Variants in LARP4 observed in about 807,000 individuals in gnomAD.
LARP4 encodes the protein La ribonucleoprotein 4.
LARP4 carries 29 observed loss-of-function variants against 92.9 expected under a neutral mutation model. The observed-to-expected ratio is 0.31, with a 90% CI of 0.23 to 0.43. LARP4 has a LOEUF of 0.43. Among genes scored for constraint, LARP4 ranks in the 20% least tolerant of loss-of-function variants. The pLI is 1.00. For missense variants in LARP4, 732 were observed against 860.0 expected (o/e 0.85, Z 1.86); for synonymous variants, 279 against 284.1 (o/e 0.98, Z 0.18).
chr12:50,447,638 C>T (rs1007118921), intron 8 of LARP4, among the ~76,000 whole-genome samples: 8 of 151,856 alleles, frequency 5.3e-5, no homozygotes, highest in Non-Finnish European at 7.4e-5. Context: ...GTACAGTGTG[C>T]GTGATCATAG....
chr12:50,473,289 C>T (rs1035169580), intron 13 of LARP4, 126 bp from the exon 14 acceptor site: 47 of 623,658 alleles, frequency 7.5e-5, no homozygotes, highest in South Asian at 3.6e-4. Flanking sequence ...GATTTTTCAC[C>T]GTGGTTTAGC....
intron 6 of LARP4, among the ~76,000 whole-genome samples, chr12:50,439,505 C>T (rs2137562605): frequency 1.3e-5 from 2 of 152,216 alleles, no homozygotes; most frequent in East Asian, 3.9e-4. Context: ...TTGGCTCAAG[C>T]AGTCCTCCTA....
At chr12:50,422,011 C>T (rs953904581) in intron 1 of LARP4, among the ~76,000 whole-genome samples, 3 of 151,324 alleles carry the variant, frequency 2.0e-5, no homozygotes, top group Non-Finnish European at 2.9e-5. Flanking sequence ...GCTTTGTCAC[C>T]CAGGTTGGAG....
At chr12:50,405,037 T>A (rs529085626) in intron 1 of LARP4, among the ~76,000 whole-genome samples, 30 of 150,868 alleles carry the variant, frequency 2.0e-4, no homozygotes, top group African/African-American at 7.0e-4. Context: ...ACTTCAGGCA[T>A]GTGCCACCAT....
At chr12:50,401,145 G>A in intron 1 of LARP4, 117 bp downstream of exon 1, 1 of 1,152,376 alleles carries the variant, frequency 8.7e-7, no homozygotes, top group South Asian at 1.2e-5. Flanking sequence ...CCGGCAGATA[G>A]GCTGACACAG....
Position 50,476,075 on chromosome 12 carries a change from A to AATAT in LARP4, c.*225_*228dup, listed in dbSNP as rs149999313. 23 of 288,014 alleles carry AATAT rather than the reference A, an allele frequency of 8.0e-5. No individual in the cohort carries two copies. Among genetic ancestry groups the AATAT allele is most frequent in the East Asian group, 2.5e-4 (4 of 15,826 alleles). 17.8% of individuals were successfully genotyped at this position (288,014 alleles called of 1,614,324 possible). A position where few individuals can be genotyped will look rare whatever the true frequency, so the allele number is the denominator to read the frequency against. ...ATGCTGGAGGATTCCAATCAATATA[A>AATAT]ATATATATATATATATACACACACA... On this transcript the variant is annotated 3_prime_UTR_variant, in exon 16 of 16. Transcript: ENST00000398473.
chr12:50,453,539 T>G lies in LARP4; in HGVS notation c.884T>G (p.Ile295Ser). Residue 295 changes from isoleucine to serine, a missense_variant, in exon 9 of 16, where the codon ATT becomes AGT. Transcript: ENST00000398473. ...GATTCTAGTATCTATAGTCACCCCA[T>G]TCAAACTCAAGCACAGTATGCCTCC... ...LMDSSIYSHP[I>S]QTQAQYASPV... 6.2e-7 allele frequency: 1 copy of G among 1,613,182 alleles called. No individual in the cohort carries two copies. Among genetic ancestry groups the G allele is most frequent in the Non-Finnish European group, 8.5e-7 (1 of 1,179,196 alleles).
At chr12:50,453,755 A>T in intron 9 of LARP4, 83 bp downstream of exon 9, 1 of 846,324 alleles carries the variant, frequency 1.2e-6, no homozygotes, top group Non-Finnish European at 1.8e-6. Flanking sequence ...GTGGGAGCTC[A>T]TTTATGTTGA....
chr12:50,452,654 A>G (rs989529693), intron 8 of LARP4, among the ~76,000 whole-genome samples: 8 of 152,014 alleles, frequency 5.3e-5, no homozygotes, highest in Admixed American at 2.6e-4. Context: ...TTGTGATTTC[A>G]ACTTACATTT....
intron 10 of LARP4, among the ~76,000 whole-genome samples, chr12:50,456,183 G>A (rs1477208608): frequency 4.6e-5 from 7 of 151,884 alleles, no homozygotes; most frequent in Admixed American, 6.6e-5. Context: ...CCTTTTATCC[G>A]TTGCATCTTT....
At chr12:50,408,254 A>G (rs951756343) in intron 1 of LARP4, among the ~76,000 whole-genome samples, 10 of 136,648 alleles carry the variant, frequency 7.3e-5, no homozygotes, top group African/African-American at 2.5e-4. Flanking sequence ...CTGGAGTGCA[A>G]TGGTGTGATC....
chr12:50,467,573 G>T (rs1956313444), intron 13 of LARP4, among the ~76,000 whole-genome samples: 1 of 152,030 alleles, frequency 6.6e-6, no homozygotes. Context: ...AAAGTGCTGG[G>T]ATTATAGGCA....
rs1039426230 is a variant in LARP4 at position 50,477,825 on chromosome 12, A to T, written c.*1961A>T. On this transcript the variant is annotated 3_prime_UTR_variant, in exon 16 of 16. Coordinates refer to ENST00000398473, the MANE Select transcript of LARP4 (RefSeq NM_052879.5). ...AATTTGGGGGAAGTTTAGGTCCTTT[A>T]AAAAAACATATTAATCATTGACTAC... The T allele has an allele frequency of 6.6e-6, 1 of 152,516 alleles. No homozygotes were observed. Among genetic ancestry groups the T allele is most frequent in the Non-Finnish European group, 1.5e-5 (1 of 67,940 alleles). The allele number at this position is 152,516 out of a possible 1,614,324, so 9.4% of individuals were successfully genotyped here. A position where few individuals can be genotyped will look rare whatever the true frequency, so the allele number is the denominator to read the frequency against.
chr12:50,405,351 T>TC (rs1249256966), intron 1 of LARP4, among the ~76,000 whole-genome samples: 1 of 152,242 alleles, frequency 6.6e-6, no homozygotes, highest in Non-Finnish European at 1.5e-5. Context: ...TGCAGTGTAC[T>TC]ACCTTCATCT....
chr12:50,473,108 C>A (rs1192044886), intron 13 of LARP4, among the ~76,000 whole-genome samples: 1 of 152,212 alleles, frequency 6.6e-6, no homozygotes, highest in East Asian at 1.9e-4. Flanking sequence ...GTGTGAGCCA[C>A]TGCGCCCAGC....
At chr12:50,426,684 G>GTTGT in intron 1 of LARP4, among the ~76,000 whole-genome samples, 1 of 86,170 alleles carries the variant, frequency 1.2e-5, no homozygotes, top group South Asian at 5.7e-4. Context: ...TTATGTTTGG[G>GTTGT]GTGTGTGTGT....
rs77393419 is a variant in LARP4 at position 50,456,247 on chromosome 12, C to G, written c.1121+1830C>G. 8.0e-3 allele frequency among the ~76,000 whole-genome samples: 1,213 copies of G among 152,194 alleles called. 15 individuals carry two copies. The highest frequency in any genetic ancestry group is 0.028 in the African/African-American group (1,160 of 41,508). On this transcript the variant is annotated intron_variant, in intron 10 of 15. Transcript: ENST00000398473. ...TTATCTTTACTTATAAGGAAGTATA[C>G]CTATGGTTTTGAAAATACATGGTGT...
chr12:50,455,331 T>C (rs943295758), intron 10 of LARP4, among the ~76,000 whole-genome samples: 1 of 152,122 alleles, frequency 6.6e-6, no homozygotes, highest in Non-Finnish European at 1.5e-5. Flanking sequence ...GCCTCCCAAA[T>C]TGCTAGGATT....
chr12:50,424,461 C>T (rs1279265074), intron 1 of LARP4, among the ~76,000 whole-genome samples: 1 of 151,668 alleles, frequency 6.6e-6, no homozygotes, highest in African/African-American at 2.4e-5. Context: ...GGGGTTCAAG[C>T]GATTCTCTTG....
Sources: gnomAD v4.1 joint callset for allele counts (sites outside exome capture counted in the v4.1 genomes callset) on GRCh38, gnomAD v4.1.1 for gene constraint, MANE v1.5 for transcripts, NCBI Gene and HGNC (gene_info 2026-07-23, HGNC 2026-07-21) for gene names.